Variants in RNPEP observed in about 807,000 individuals in gnomAD.
RNPEP encodes the protein aminopeptidase B.
RNPEP carries 57 observed loss-of-function variants against 70.1 expected under a neutral mutation model. The observed-to-expected ratio is 0.81, with a 90% CI of 0.66 to 1.01. RNPEP has a LOEUF of 1.01. RNPEP is among the 50% of genes least tolerant of loss of function. The pLI is 0.00. For synonymous variants in RNPEP, 335 were observed against 357.4 expected (o/e 0.94, Z 0.71); for missense variants, 787 against 852.4 (o/e 0.92, Z 0.96).
Position 201,982,704 on chromosome 1 carries a change from C to A in RNPEP, c.38C>A (p.Ala13Asp). ...SGEHSPGSGA[A>D]RRPLHSAQAV... ...GAGCATTCCCCCGGCAGCGGCGCGGCCCGGCGGCCGCTGCACTCCGCGCAG... is the reference window on the plus strand; with the variant it reads ...GAGCATTCCCCCGGCAGCGGCGCGGACCGGCGGCCGCTGCACTCCGCGCAG... Residue 13 changes from alanine to aspartate, a missense_variant, in exon 1 of 11, where the codon GCC becomes GAC. Physicochemically the swap from Ala to Asp is moderately radical, Grantham distance 126. Transcript: ENST00000295640. The A allele has an allele frequency of 5.0e-6, 7 of 1,398,118 alleles. No homozygotes were observed. Among genetic ancestry groups the A allele is most frequent in the Non-Finnish European group, 4.7e-6 (5 of 1,070,224 alleles). 86.6% of individuals were successfully genotyped at this position (1,398,118 alleles called of 1,614,324 possible). A position where few individuals can be genotyped will look rare whatever the true frequency, so the allele number is the denominator to read the frequency against.
At chr1:201,989,607 G>C (rs762334223) in intron 3 of RNPEP, 76 bp downstream of exon 3, 8 of 1,526,756 alleles carry the variant, frequency 5.2e-6, no homozygotes, top group South Asian at 2.3e-5. Context: ...TGGACCTGCT[G>C]GGGGGGTTCT....
rs777889325 is a variant in RNPEP at position 201,997,369 on chromosome 1, A to G, written c.905A>G (p.Asn302Ser). ...TCCTTTCCATTTGGAGGAATGGAGA[A>G]CCCTTGTCTGACCTTTGTCACCCCC... Reference protein sequence around the residue: ...PPSFPFGGMENPCLTFVTPCL... With the variant: ...PPSFPFGGMESPCLTFVTPCL... The change falls in exon 5 of 11, where the codon AAC becomes AGC. Residue 302 changes from asparagine (N) to serine (S), a missense_variant. Physicochemically the swap from Asn to Ser is conservative, Grantham distance 46. Coordinates refer to ENST00000295640, the MANE Select transcript of RNPEP (RefSeq NM_020216.4). The G allele has an allele frequency of 1.9e-6, 3 of 1,613,980 alleles. No homozygotes were observed. Among genetic ancestry groups the G allele is most frequent in the South Asian group, 2.2e-5 (2 of 91,070 alleles).
Position 202,003,452 on chromosome 1 carries a change from C to T in RNPEP, c.1642C>T (p.Leu548Phe). Residue 548 changes from leucine (L) to phenylalanine (F), a missense_variant, in exon 9 of 11, where the codon CTC becomes TTC. Transcript: ENST00000295640. ...FLDKILQKSP[L>F]PPGNVKKLGD... ...GGATAAGATCCTCCAGAAATCCCCT[C>T]TCCCTCCTGGTAAGAAAAAATGGTG... 1 of 1,611,824 alleles carries T rather than the reference C, an allele frequency of 6.2e-7. No homozygotes were observed. Among genetic ancestry groups the T allele is most frequent in the Non-Finnish European group, 8.5e-7 (1 of 1,178,308 alleles).
At chr1:201,994,481 C>T (rs1041004055) in intron 3 of RNPEP, among the ~76,000 whole-genome samples, 2 of 152,124 alleles carry the variant, frequency 1.3e-5, no homozygotes, top group Non-Finnish European at 2.9e-5. Context: ...ATCCCAGACT[C>T]TCGGTGCTTC....
chr1:202,003,555 A>G, intron 9 of RNPEP, 94 bp downstream of exon 9: 2 of 877,392 alleles, frequency 2.3e-6, no homozygotes, highest in Non-Finnish European at 3.6e-6. Context: ...GCTTGCCCCT[A>G]GGGAACTGCC....
intron 6 of RNPEP, 153 bp downstream of exon 6, chr1:202,000,168 C>G (rs1571642818): frequency 1.7e-6 from 1 of 591,548 alleles, no homozygotes; most frequent in East Asian, 3.0e-5. Context: ...TCTCTGGCCC[C>G]TGGGCTGACT....
chr1:202,000,319 C>A, intron 6 of RNPEP: 1 of 255,044 alleles, frequency 3.9e-6, no homozygotes, highest in Non-Finnish European at 7.6e-6. Context: ...CAGGGCAGAT[C>A]TGTGGATTCT....
chr1:201,994,107 C>G (rs990872889), intron 3 of RNPEP, among the ~76,000 whole-genome samples: 5 of 152,286 alleles, frequency 3.3e-5, no homozygotes, highest in African/African-American at 1.2e-4. Context: ...ACCACCCATG[C>G]TGGTCATCAG....
chr1:202,003,145 A>G, intron 8 of RNPEP, 92 bp from the exon 9 acceptor site: 3 of 806,522 alleles, frequency 3.7e-6, no homozygotes, highest in Non-Finnish European at 6.0e-6. Context: ...GGATGGAGAG[A>G]GGAGAAACTT....
intron 4 of RNPEP, among the ~76,000 whole-genome samples, chr1:201,996,860 C>T (rs1683574292): frequency 6.6e-6 from 1 of 152,128 alleles, no homozygotes. Context: ...GCAGCACCGT[C>T]AAGGTCCTTT....
intron 4 of RNPEP, among the ~76,000 whole-genome samples, chr1:201,996,647 CCA>C (rs926407943): frequency 2.0e-5 from 3 of 152,122 alleles, no homozygotes; most frequent in Non-Finnish European, 2.9e-5. Context: ...ACGCCCTCCA[CCA>C]CACTCAGCTA....
chr1:202,000,289 T>C (rs932422463), intron 6 of RNPEP: 6 of 329,196 alleles, frequency 1.8e-5, no homozygotes, highest in Non-Finnish European at 2.8e-5. Flanking sequence ...CCAGGCTCTT[T>C]CGCATTCCTT....
intron 8 of RNPEP, among the ~76,000 whole-genome samples, chr1:202,002,255 C>G (rs1393214289): frequency 6.6e-6 from 1 of 151,768 alleles, no homozygotes; most frequent in African/African-American, 2.4e-5. Context: ...CCTCCGCCTG[C>G]CGGGTTCAAG....
At chr1:201,996,628 G>T (rs10920299) in intron 4 of RNPEP, among the ~76,000 whole-genome samples, 19,993 of 151,968 alleles carry the variant, frequency 0.13, 1,546 homozygotes, top group Admixed American at 0.23. Flanking sequence ...AGAGTAGCTG[G>T]GATTACAGAC....
At position 201,999,466 on chromosome 1, in the gene RNPEP, G is replaced by T. The variant is rs1188137965; in HGVS notation, c.1091-436G>T. Among the ~76,000 whole-genome samples the T allele has an allele frequency of 5.3e-5, 8 of 150,042 alleles. No homozygotes were observed. In the East Asian group the frequency reaches 1.6e-3, roughly 30 times the overall value. ...ATGCAGAAGAATCGCTTGAACCCAG[G>T]AGGAGACGGAGGTTGCAGTGAGCCA... On this transcript the variant is annotated intron_variant, in intron 5 of 10. Transcript: ENST00000295640.
intron 3 of RNPEP, among the ~76,000 whole-genome samples, chr1:201,990,029 G>C (rs998597698): frequency 6.6e-6 from 1 of 152,124 alleles, no homozygotes; most frequent in South Asian, 2.1e-4. Context: ...ATTTTTCGTA[G>C]AGACGGGGTT....
At position 201,997,961 on chromosome 1, in the gene RNPEP, C is replaced by T. The variant is rs550171136; in HGVS notation, c.1090+407C>T. 7.2e-5 allele frequency among the ~76,000 whole-genome samples: 11 copies of T among 152,178 alleles called. No individual in the cohort carries two copies. In the East Asian group the frequency reaches 2.1e-3, roughly 30 times the overall value. ...TATTTTTAGAAGAGACGAGGTTTCT[C>T]CATGTTGGTCAGGCTGGTCTCGAAC... On this transcript the variant is annotated intron_variant, in intron 5 of 10. Transcript: ENST00000295640.
At chr1:202,003,633 C>T (rs1683927248) in intron 9 of RNPEP, among the ~76,000 whole-genome samples, 172 bp downstream of exon 9, 1 of 151,582 alleles carries the variant, frequency 6.6e-6, no homozygotes, top group South Asian at 2.1e-4. Flanking sequence ...TAGGGGACTG[C>T]CACGTACACT....
intron 5 of RNPEP, among the ~76,000 whole-genome samples, chr1:201,999,395 T>G (rs1244698384): frequency 3.3e-5 from 5 of 151,712 alleles, no homozygotes; most frequent in Non-Finnish European, 7.4e-5. Flanking sequence ...AAAAATTAGC[T>G]GGGCGTGGTG....
Sources: gnomAD v4.1 joint callset for allele counts (sites outside exome capture counted in the v4.1 genomes callset) on GRCh38, gnomAD v4.1.1 for gene constraint, MANE v1.5 for transcripts, NCBI Gene and HGNC (gene_info 2026-07-23, HGNC 2026-07-21) for gene names.